The following ADAM20 variants were observed in gnomAD, a reference collection of about 807,000 sequenced individuals.
The protein encoded by ADAM20 is disintegrin and metalloproteinase domain-containing protein 20.
For synonymous variants in ADAM20, 305 were observed against 310.2 expected (o/e 0.98, Z 0.18); for missense variants, 871 against 883.2 (o/e 0.99, Z 0.18).
At position 70,524,573 on chromosome 14, in the gene ADAM20, G is replaced by A; in HGVS notation, c.185C>T (p.Ser62Phe). 6.2e-7 allele frequency: 1 copy of A among 1,613,970 alleles called. No individual in the cohort carries two copies. The highest frequency in any genetic ancestry group is 8.5e-7 in the Non-Finnish European group (1 of 1,179,956). The change falls in exon 2 of 2, where the codon TCC (serine) becomes TTC (phenylalanine). Residue 62 changes from serine (S) to phenylalanine (F), a missense_variant. Physicochemically the swap from Ser to Phe is radical, Grantham distance 155 (BLOSUM62 -2). Coordinates refer to ENST00000256389, the MANE Select transcript of ADAM20 (RefSeq NM_003814.5). ...GRGAKAPGWL[S>F]YSLRFGGQRY... ...CTGTCCCCCAAACCGCAGGCTATAG[G>A]AGAGCCATCCAGGAGCCTTTGCACC...
chr14:70,541,818 A>G, the ADAM20 span, among the ~76,000 whole-genome samples: 1,415 of 152,354 alleles, frequency 9.3e-3, 26 homozygotes, highest in African/African-American at 0.032. Flanking sequence ...ACTATACATT[A>G]TCAGTACAGT....
the ADAM20 span, among the ~76,000 whole-genome samples, chr14:70,558,334 C>T: frequency 1.4e-4 from 22 of 152,144 alleles, no homozygotes; most frequent in Admixed American, 1.4e-3. Context: ...ATACATAGAT[C>T]GGATTTGATA....
intron 1 of ADAM20, among the ~76,000 whole-genome samples, chr14:70,529,842 T>G (rs1472082044): frequency 6.6e-6 from 1 of 152,204 alleles, no homozygotes; most frequent in East Asian, 1.9e-4. Context: ...CTACAATACA[T>G]TTATTTTTAA....
rs1197757697 is a variant in ADAM20 at position 70,534,107 on chromosome 14, A to AAC, written c.-177+688_-177+689dup. Among the ~76,000 whole-genome samples, 441 of 127,970 alleles carry AAC rather than the reference A, an allele frequency of 3.4e-3. 2 individuals are homozygous for AAC. Among genetic ancestry groups the AAC allele is most frequent in the African/African-American group, 8.6e-3 (266 of 30,994 alleles). The allele number at this position is 127,970 out of a possible 152,430, so 84.0% of individuals were successfully genotyped here. ...CAAAAAAAAAAAAAAAAAAAAAAAA[A>AAC]ACACACACACACACACACGCACACA... On this transcript the variant is annotated intron_variant, in intron 1 of 1. Transcript: ENST00000256389.
At chr14:70,576,756 T>C in the ADAM20 span, among the ~76,000 whole-genome samples, 2 of 152,040 alleles carry the variant, frequency 1.3e-5, no homozygotes, top group Admixed American at 1.3e-4. Context: ...GGAAGGAGAA[T>C]GGGCTTTGTA....
chr14:70,576,699 C>A, the ADAM20 span, among the ~76,000 whole-genome samples: 2 of 151,986 alleles, frequency 1.3e-5, no homozygotes, highest in East Asian at 1.9e-4. Context: ...AGAAGGAGGT[C>A]AGAACTACGT....
At chr14:70,542,137 A>T in the ADAM20 span, among the ~76,000 whole-genome samples, 1 of 152,058 alleles carries the variant, frequency 6.6e-6, no homozygotes, top group East Asian at 1.9e-4. Flanking sequence ...CTTTTGAGCT[A>T]CTGACAGCTT....
chr14:70,536,465 CAAAAAAAAAAAAAAAAAAAAAAAAA>C (rs56738784), upstream of ADAM20, among the ~76,000 whole-genome samples: 5,439 of 43,466 alleles, frequency 0.13, 318 homozygotes, highest in Middle Eastern at 0.29. Context: ...AACTCTGTCT[CAAAAAAAAAAAAAAAAAAAAAAAAA>C]AAAAAAGAAT....
At chr14:70,572,482 C>T in the ADAM20 span, among the ~76,000 whole-genome samples, 24 of 152,144 alleles carry the variant, frequency 1.6e-4, no homozygotes, top group Non-Finnish European at 2.5e-4. Flanking sequence ...TGTAAGACCT[C>T]AAACTATAAA....
rs1225539715 is a variant in ADAM20 at position 70,524,014 on chromosome 14, C to A, written c.744G>T (p.Leu248Phe). The A allele has an allele frequency of 6.2e-7, 1 of 1,613,874 alleles. No individual in the cohort carries two copies. The highest frequency in any genetic ancestry group is 1.7e-5 in the Admixed American group (1 of 59,960). The change falls in exon 2 of 2, where the codon TTG becomes TTT. Residue 248 changes from leucine to phenylalanine, a missense_variant. Physicochemically the swap from Leu to Phe is conservative, Grantham distance 22. Transcript: ENST00000256389. ...TTCCAGTCAAAATTACATCAACCTC[C>A]AAAGGATGATAGAAGGAATCCACTA... is the stretch of plus-strand genomic sequence containing the variant. The part of the protein sequence containing the change: ...VNIVDSFYHP[L>F]EVDVILTGID...
At chr14:70,578,991 C>T in the ADAM20 span, among the ~76,000 whole-genome samples, 2 of 152,090 alleles carry the variant, frequency 1.3e-5, no homozygotes, top group Non-Finnish European at 2.9e-5. Flanking sequence ...CCTCCAGCTG[C>T]TTTCATGTTG....
chr14:70,562,612 G>T, the ADAM20 span, among the ~76,000 whole-genome samples: 1 of 152,196 alleles, frequency 6.6e-6, no homozygotes, highest in Non-Finnish European at 1.5e-5. Context: ...TCATAGGGCA[G>T]ATTCCTCCCT....
the ADAM20 span, among the ~76,000 whole-genome samples, chr14:70,573,294 G>A: frequency 6.6e-6 from 1 of 152,160 alleles, no homozygotes; most frequent in Non-Finnish European, 1.5e-5. Flanking sequence ...CATGAATGCA[G>A]CTGGAGGCCA....
chr14:70,530,175 A>G (rs1883680965), intron 1 of ADAM20, among the ~76,000 whole-genome samples: 1 of 152,024 alleles, frequency 6.6e-6, no homozygotes, highest in Admixed American at 6.6e-5. Context: ...TTTTAAAATT[A>G]TTTTTTCTTA....
chr14:70,558,163 T>C, the ADAM20 span, among the ~76,000 whole-genome samples: 1 of 151,972 alleles, frequency 6.6e-6, no homozygotes, highest in Non-Finnish European at 1.5e-5. Flanking sequence ...GAAGGAGAAA[T>C]GGTAGAAGCA....
intron 1 of ADAM20, among the ~76,000 whole-genome samples, chr14:70,527,793 C>T (rs1883621755): frequency 6.6e-6 from 1 of 152,138 alleles, no homozygotes. Flanking sequence ...CTTTTTCTAT[C>T]CCTCCCCTAC....
At chr14:70,558,197 C>T in the ADAM20 span, among the ~76,000 whole-genome samples, 1 of 151,976 alleles carries the variant, frequency 6.6e-6, no homozygotes, top group Admixed American at 6.5e-5. Flanking sequence ...ATAAGGATAA[C>T]AAAATAGCCA....
chr14:70,573,177 T>A, the ADAM20 span, among the ~76,000 whole-genome samples: 18 of 152,152 alleles, frequency 1.2e-4, no homozygotes, highest in Admixed American at 5.9e-4. Flanking sequence ...AATCATGCAA[T>A]CAGCCTAAGT....
At chr14:70,575,097 A>G in the ADAM20 span, among the ~76,000 whole-genome samples, 4 of 151,856 alleles carry the variant, frequency 2.6e-5, no homozygotes, top group African/African-American at 4.8e-5. Context: ...CACGAGATAA[A>G]TAAGTTCTAG....
Sources: gnomAD v4.1 joint callset for allele counts (sites outside exome capture counted in the v4.1 genomes callset) on GRCh38, gnomAD v4.1.1 for gene constraint, MANE v1.5 for transcripts, NCBI Gene and HGNC (gene_info 2026-07-23, HGNC 2026-07-21) for gene names.